Variants in PTK7 observed in about 807,000 individuals in gnomAD.
The protein encoded by PTK7 is protein tyrosine kinase 7 (inactive).
PTK7 carries 39 observed loss-of-function variants against 116.6 expected under a neutral mutation model. That is an observed-to-expected ratio of 0.33 (90% CI 0.26 to 0.44). The LOEUF (loss-of-function observed/expected upper bound fraction) is 0.44, where lower values mean the gene tolerates loss of function less well. Among genes scored for constraint, PTK7 ranks in the 20% least tolerant of loss-of-function variants. The probability of loss-of-function intolerance (pLI) is 1.00; values close to 1 mark genes in which losing one functional copy is unlikely to be tolerated. For synonymous variants in PTK7, 546 were observed against 563.6 expected (o/e 0.97, Z 0.44); for missense variants, 1,169 against 1,425.6 (o/e 0.82, Z 2.90).
intron 1 of PTK7, among the ~76,000 whole-genome samples, chr6:43,082,963 T>G (rs1269347724): frequency 6.6e-6 from 1 of 152,100 alleles, no homozygotes; most frequent in Non-Finnish European, 1.5e-5. Context: ...ACAGCTGTAG[T>G]GTTGTTAGTC....
At chr6:43,138,034 C>T (rs1195520198) in intron 7 of PTK7, among the ~76,000 whole-genome samples, 2 of 152,106 alleles carry the variant, frequency 1.3e-5, no homozygotes, top group African/African-American at 4.8e-5. Flanking sequence ...GTTTTGAACT[C>T]CTGACCTCAA....
chr6:43,146,496 G>A (rs899644897), intron 16 of PTK7, 122 bp from the exon 17 acceptor site: 11 of 832,982 alleles, frequency 1.3e-5, no homozygotes, highest in African/African-American at 3.4e-5. Flanking sequence ...AAGGGGCCCA[G>A]GCTAGCTTAG....
At position 43,160,874 on chromosome 6, in the gene PTK7, A is replaced by G; in HGVS notation, c.3206A>G (p.Lys1069Arg). The part of the protein sequence containing the change: ...SALGDSTVDS[K>R]P ...CTGGGAGACAGCACCGTGGACAGCA[A>G]GCCGTGAGGAGGGAGCCCGCTCAGG... The change falls in exon 20 of 20, where the codon AAG becomes AGG. Residue 1069 changes from lysine (K) to arginine (R), a missense_variant. This residue lies in a region of PTK7 where 678 missense variants were observed against 853.8 expected (regional missense o/e 0.79). Coordinates refer to ENST00000230419, the MANE Select transcript of PTK7 (RefSeq NM_002821.5). The G allele has an allele frequency of 6.2e-7, 1 of 1,613,824 alleles. No homozygotes were observed. Among genetic ancestry groups the G allele is most frequent in the Non-Finnish European group, 8.5e-7 (1 of 1,180,008 alleles).
intron 1 of PTK7, among the ~76,000 whole-genome samples, chr6:43,081,250 CTG>C (rs1218845287): frequency 6.6e-6 from 1 of 152,222 alleles, no homozygotes; most frequent in Non-Finnish European, 1.5e-5. Context: ...AAGGTAGACA[CTG>C]TAGAACTTCT....
At chr6:43,147,544 G>A (rs1405316282) in intron 17 of PTK7, among the ~76,000 whole-genome samples, 1 of 152,214 alleles carries the variant, frequency 6.6e-6, no homozygotes, top group Non-Finnish European at 1.5e-5. Context: ...TCAGGGCAGG[G>A]TAGGCAGAAG....
chr6:43,102,988 G>A (rs1767668753), intron 1 of PTK7, among the ~76,000 whole-genome samples: 1 of 152,004 alleles, frequency 6.6e-6, no homozygotes, highest in African/African-American at 2.4e-5. Context: ...TTTTGCAGAG[G>A]TACCTTTTTT....
chr6:43,159,095 G>GATAGGGAAGAGCTTTCTC (rs1194984780), intron 18 of PTK7, 127 bp downstream of exon 18: 1 of 1,219,212 alleles, frequency 8.2e-7, no homozygotes, highest in Admixed American at 2.4e-5. Context: ...GAGGGCCTGG[G>GATAGGGAAGAGCTTTCTC]ATAGGGAAGA....
chr6:43,091,105 C>G lies in PTK7; in HGVS notation c.79+14538C>G, dbSNP rs192664504. Among the ~76,000 whole-genome samples, 301 of 151,824 alleles carry G rather than the reference C, an allele frequency of 2.0e-3. 1 individual carries two copies. Among genetic ancestry groups the G allele is most frequent in the Non-Finnish European group, 3.0e-3 (202 of 67,980 alleles). On this transcript the variant is annotated intron_variant, in intron 1 of 19. Transcript: ENST00000230419. Reference sequence around the variant, plus strand: ...AACTGACTTCTGGCTCCACAGCTTACTGGCTGAGAGACCTTAGTTTACTTC... The same window carrying G: ...AACTGACTTCTGGCTCCACAGCTTAGTGGCTGAGAGACCTTAGTTTACTTC...
In PTK7 at chr6:43,143,978, G is replaced by A. The variant is rs1328545857; in HGVS notation, c.2251+358G>A. ...GAGCTCCCCCAGGGGCAGTCTTTCTGTTTACTTCCCTTCTCCTATCCCCAC... is the reference window on the plus strand; with the variant it reads ...GAGCTCCCCCAGGGGCAGTCTTTCTATTTACTTCCCTTCTCCTATCCCCAC... On this transcript the variant is annotated intron_variant, in intron 14 of 19. Coordinates refer to ENST00000230419, the MANE Select transcript of PTK7 (RefSeq NM_002821.5). This position sits in a 1 kb window ranked among gnomAD's most constrained non-coding sequence, Gnocchi z 4.2. Among the ~76,000 whole-genome samples the A allele has an allele frequency of 1.3e-5, 2 of 152,192 alleles. No homozygotes were observed. Among genetic ancestry groups the A allele is most frequent in the Admixed American group, 6.5e-5 (1 of 15,284 alleles).
At chr6:43,151,239 C>G (rs1482743896) in intron 17 of PTK7, among the ~76,000 whole-genome samples, 1 of 148,196 alleles carries the variant, frequency 6.7e-6, no homozygotes, top group Non-Finnish European at 1.5e-5. Context: ...GAGACCGAGT[C>G]TCGCTCTGTC....
At chr6:43,125,087 G>A (rs1346333786) in intron 1 of PTK7, among the ~76,000 whole-genome samples, 1 of 152,028 alleles carries the variant, frequency 6.6e-6, no homozygotes, top group Non-Finnish European at 1.5e-5. Context: ...CAGGAGAATC[G>A]CTTGATCCCG....
Position 43,130,563 on chromosome 6 carries a change from G to A in PTK7, c.714G>A (p.Arg238=). The change falls in exon 5 of 20, where the codon AGG becomes AGA. Residue 238 remains arginine, a synonymous_variant. Coordinates refer to ENST00000230419, the MANE Select transcript of PTK7 (RefSeq NM_002821.5). ...VLAPQDVVVA[R]YEEAMFHCQF... Reference sequence around the variant, plus strand: ...CACCCCAGGACGTGGTAGTAGCGAGGTATGAGGAGGCCATGTTCCATTGCC... The same window carrying A: ...CACCCCAGGACGTGGTAGTAGCGAGATATGAGGAGGCCATGTTCCATTGCC... 6.2e-7 allele frequency: 1 copy of A among 1,614,152 alleles called. No homozygotes were observed. Among genetic ancestry groups the A allele is most frequent in the East Asian group, 2.2e-5 (1 of 44,892 alleles).
At chr6:43,095,057 T>TA (rs527828440) in intron 1 of PTK7, among the ~76,000 whole-genome samples, 259 of 143,872 alleles carry the variant, frequency 1.8e-3, no homozygotes, top group Non-Finnish European at 2.6e-3. Context: ...ATAATAATAA[T>TA]AATAAATAAA....
chr6:43,081,758 T>A (rs1039533194), intron 1 of PTK7, among the ~76,000 whole-genome samples: 2 of 152,196 alleles, frequency 1.3e-5, no homozygotes, highest in African/African-American at 4.8e-5. Context: ...ACCATTTGGG[T>A]GCAGGGCAGA....
At chr6:43,148,473 A>G (rs1403197260) in intron 17 of PTK7, among the ~76,000 whole-genome samples, 2 of 152,144 alleles carry the variant, frequency 1.3e-5, no homozygotes, top group Non-Finnish European at 2.9e-5. Flanking sequence ...AAACCATTTG[A>G]GTTTAGTTCA....
intron 1 of PTK7, among the ~76,000 whole-genome samples, chr6:43,091,693 G>C (rs1487878400): frequency 6.6e-6 from 1 of 152,074 alleles, no homozygotes; most frequent in Non-Finnish European, 1.5e-5. Flanking sequence ...AATATTAAAT[G>C]GAAAATTACA....
chr6:43,142,658 C>G, intron 13 of PTK7: 1 of 373,000 alleles, frequency 2.7e-6, no homozygotes, highest in Non-Finnish European at 5.2e-6. Flanking sequence ...TCCAGGAGGC[C>G]CAGAGAGGAT....
At chr6:43,077,084 C>T (rs1277836196) in intron 1 of PTK7, 61 of 1,245,724 alleles carry the variant, frequency 4.9e-5, no homozygotes, top group Non-Finnish European at 6.1e-5. Context: ...CCCGGCTTCC[C>T]TCCTCCGAGT....
At chr6:43,131,992 C>T in intron 5 of PTK7, 24 bp from the exon 6 acceptor site, 1 of 1,613,540 alleles carries the variant, frequency 6.2e-7, no homozygotes, top group Non-Finnish European at 8.5e-7. Context: ...CCACTTTCTC[C>T]AAATTGCACT....
Sources: allele counts gnomAD v4.1 joint callset (sites outside exome capture counted in the v4.1 genomes callset), GRCh38; gene constraint gnomAD v4.1.1; regional missense constraint gnomAD v4.1.1; non-coding constraint Gnocchi (gnomAD v3.1); transcripts MANE v1.5; gene names NCBI Gene and HGNC (gene_info 2026-07-23, HGNC 2026-07-21).